The following FOXN3 variants were observed in gnomAD, a reference collection of about 807,000 sequenced individuals.
FOXN3 encodes the protein forkhead box protein N3.
FOXN3 carries 7 observed loss-of-function variants against 38.4 expected under a neutral mutation model. The observed-to-expected ratio is 0.18, with a 90% CI of 0.10 to 0.34. The LOEUF is 0.34. Ranked by LOEUF, FOXN3 falls within the 10% of genes least tolerant of loss-of-function variation. The probability of loss-of-function intolerance (pLI) is 1.00; values close to 1 mark genes in which losing one functional copy is unlikely to be tolerated. For missense variants in FOXN3, 456 were observed against 613.4 expected (o/e 0.74, Z 2.71); for synonymous variants, 230 against 242.2 (o/e 0.95, Z 0.47).
intron 1 of FOXN3, among the ~76,000 whole-genome samples, chr14:89,505,971 C>T (rs1893916896): frequency 6.6e-6 from 1 of 150,578 alleles, no homozygotes; most frequent in Non-Finnish European, 1.5e-5. Flanking sequence ...ACCGCCCCGT[C>T]TGAGAAGTGA....
chr14:89,193,875 C>T (rs374548618), intron 4 of FOXN3, among the ~76,000 whole-genome samples: 30 of 152,230 alleles, frequency 2.0e-4, no homozygotes, highest in Middle Eastern at 6.8e-3. Context: ...TCTTTAAAAA[C>T]GTTAGCCATC....
intron 5 of FOXN3, among the ~76,000 whole-genome samples, chr14:89,174,728 G>A (rs1407903881): frequency 6.6e-6 from 1 of 152,150 alleles, no homozygotes; most frequent in African/African-American, 2.4e-5. Context: ...CAAAAACTAC[G>A]CTCGCTGAAA....
intron 4 of FOXN3, among the ~76,000 whole-genome samples, chr14:89,259,652 G>T (rs949954316): frequency 3.3e-5 from 5 of 152,140 alleles, no homozygotes; most frequent in Non-Finnish European, 7.3e-5. Flanking sequence ...GGATATGTTA[G>T]ACAAATTAAT....
chr14:89,204,126 G>A (rs1041259072), intron 4 of FOXN3, among the ~76,000 whole-genome samples: 1 of 146,682 alleles, frequency 6.8e-6, no homozygotes, highest in African/African-American at 2.5e-5. Context: ...ACCACCCACA[G>A]GAGCGATCTC....
At chr14:89,572,186 A>G (rs1895509840) in intron 1 of FOXN3, among the ~76,000 whole-genome samples, 1 of 152,254 alleles carries the variant, frequency 6.6e-6, no homozygotes, top group African/African-American at 2.4e-5. Context: ...TGGAATCACT[A>G]AAGTATACAG....
intron 1 of FOXN3, among the ~76,000 whole-genome samples, chr14:89,605,986 C>A (rs1262221037): frequency 4.6e-5 from 7 of 151,240 alleles, no homozygotes; most frequent in Non-Finnish European, 8.8e-5. Flanking sequence ...TGTGGTAGTG[C>A]CCCATATAGT....
chr14:89,377,132 C>G (rs1282843181), intron 2 of FOXN3, among the ~76,000 whole-genome samples: 1 of 144,752 alleles, frequency 6.9e-6, no homozygotes, highest in African/African-American at 2.6e-5. Flanking sequence ...AGGAAATAAT[C>G]CATCAAATTC....
intron 2 of FOXN3, among the ~76,000 whole-genome samples, chr14:89,357,309 T>TA (rs1370832997): frequency 6.6e-6 from 1 of 151,570 alleles, no homozygotes; most frequent in Non-Finnish European, 1.5e-5. Flanking sequence ...GTCTCTTTCT[T>TA]AAAAAAAGGA....
intron 1 of FOXN3, among the ~76,000 whole-genome samples, chr14:89,445,117 A>C (rs1418004329): frequency 6.6e-6 from 1 of 151,972 alleles, no homozygotes; most frequent in East Asian, 1.9e-4. Context: ...CAGAACAAGC[A>C]GAACAAGACC....
chr14:89,334,684 T>C (rs188811854), intron 3 of FOXN3, among the ~76,000 whole-genome samples: 1 of 151,958 alleles, frequency 6.6e-6, no homozygotes, highest in East Asian at 1.9e-4. Context: ...TTAATAATAC[T>C]GTATTTTATA....
Position 89,163,696 on chromosome 14 carries a change from A to C in FOXN3, c.852-727T>G, listed in dbSNP as rs1887166182. Among the ~76,000 whole-genome samples, 2 of 152,210 alleles carry C rather than the reference A, an allele frequency of 1.3e-5. No homozygotes were observed. ...CTCAACACCTGCCAGGCGCTCTGCT[A>C]AGTCTGTGCAGAGGACCATGTTTAA... On this transcript the variant is annotated intron_variant, in intron 5 of 5. Coordinates refer to ENST00000557258, the MANE Select transcript of FOXN3 (RefSeq NM_005197.4). This position sits in a 1 kb window ranked among gnomAD's most constrained non-coding sequence, Gnocchi z 4.3.
chr14:89,561,155 G>A (rs7147857), intron 1 of FOXN3, among the ~76,000 whole-genome samples: 7,982 of 152,282 alleles, frequency 0.052, 714 homozygotes, highest in African/African-American at 0.18. Context: ...TGATAAAAGC[G>A]TGAGGCCCCA....
At chr14:89,415,029 C>G (rs1430400801) in intron 1 of FOXN3, among the ~76,000 whole-genome samples, 7 of 152,192 alleles carry the variant, frequency 4.6e-5, no homozygotes, top group African/African-American at 1.7e-4. Flanking sequence ...GGGGATACAA[C>G]AGAGTCTGGT....
chr14:89,590,817 CT>C (rs1399508861), intron 1 of FOXN3, among the ~76,000 whole-genome samples: 2 of 152,160 alleles, frequency 1.3e-5, no homozygotes, highest in East Asian at 1.9e-4. Flanking sequence ...AAGAAATTCT[CT>C]GATTTACCTT....
At chr14:89,248,731 T>C (rs974318462) in intron 4 of FOXN3, among the ~76,000 whole-genome samples, 3 of 152,260 alleles carry the variant, frequency 2.0e-5, no homozygotes, top group Admixed American at 6.5e-5. Context: ...GCTATAGACA[T>C]GATTTTGATT....
chr14:89,166,236 ATG>A (rs1213459102), intron 5 of FOXN3, among the ~76,000 whole-genome samples: 1 of 152,240 alleles, frequency 6.6e-6, no homozygotes, highest in Non-Finnish European at 1.5e-5. Context: ...GAGCCTGAGA[ATG>A]TCTCTTTCTT....
At chr14:89,392,995 T>C (rs1401211854) in intron 2 of FOXN3, among the ~76,000 whole-genome samples, 1 of 152,060 alleles carries the variant, frequency 6.6e-6, no homozygotes, top group Non-Finnish European at 1.5e-5. Flanking sequence ...TTAGTAGAAA[T>C]GGGGTTTCAC....
chr14:89,258,799 T>A (rs1033062553), intron 4 of FOXN3, among the ~76,000 whole-genome samples: 1 of 152,234 alleles, frequency 6.6e-6, no homozygotes, highest in African/African-American at 2.4e-5. Context: ...AGTATGAAGG[T>A]TCTCCCTTGG....
intron 3 of FOXN3, among the ~76,000 whole-genome samples, chr14:89,309,590 G>C (rs1182469109): frequency 2.0e-5 from 3 of 152,218 alleles, no homozygotes; most frequent in African/African-American, 4.8e-5. Context: ...CAGAGGCTGA[G>C]GGGGAGATGC....
Sources: gnomAD v4.1 joint callset for allele counts (sites outside exome capture counted in the v4.1 genomes callset) on GRCh38, gnomAD v4.1.1 for gene constraint, Gnocchi (gnomAD v3.1) non-coding constraint, MANE v1.5 for transcripts, NCBI Gene and HGNC (gene_info 2026-07-23, HGNC 2026-07-21) for gene names.